DIAPH2: variants seen among roughly 807,000 people sequenced by gnomAD.
The protein encoded by DIAPH2 is diaphanous related formin 2, also known as protein diaphanous homolog 2.
Under a neutral mutation model 92.7 loss-of-function variants are expected in DIAPH2, and 35 were observed. The ratio of observed to expected loss-of-function variants is 0.38; its 90% CI spans 0.29 to 0.50. DIAPH2 has a LOEUF of 0.50. Among genes scored for constraint, DIAPH2 ranks in the 20% least tolerant of loss-of-function variants. The pLI is 0.94. For synonymous variants in DIAPH2, 301 were observed against 280.4 expected, an observed-to-expected ratio of 1.07 and a Z score of -0.73; for missense variants, 701 against 819.5, an observed-to-expected ratio of 0.86 and a Z score of 1.77.
chrX:97,266,070 A>G (rs914638502), intron 23 of DIAPH2, among the ~76,000 whole-genome samples: 3 of 112,034 alleles, frequency 2.7e-5, no homozygotes, highest in Non-Finnish European at 3.8e-5. Context: ...ATGTGTGTGT[A>G]TATATGTATA....
chrX:97,321,544 A>ATTTTT (rs72265655), intron 23 of DIAPH2, among the ~76,000 whole-genome samples: 21 of 48,356 alleles, frequency 4.3e-4, no homozygotes, highest in Admixed American at 1.3e-3. Context: ...TTGTGTTGTT[A>ATTTTT]TTTTTTTTTT....
chrX:97,532,729 T>C (rs182093306), intron 26 of DIAPH2, among the ~76,000 whole-genome samples: 10 of 112,471 alleles, frequency 8.9e-5, no homozygotes, highest in African/African-American at 2.9e-4. Context: ...ATGGAAACAA[T>C]CTTAAACTGG....
intron 22 of DIAPH2, among the ~76,000 whole-genome samples, chrX:97,230,381 G>T: frequency 8.9e-6 from 1 of 111,732 alleles, no homozygotes; most frequent in Non-Finnish European, 1.9e-5. Context: ...ATTTACTGGG[G>T]TTTTCTTTCT....
chrX:97,357,765 G>T lies in DIAPH2; in HGVS notation c.3009+9485G>T, dbSNP rs1393920177. Among the ~76,000 whole-genome samples, 6 of 111,928 alleles carry T rather than the reference G, an allele frequency of 5.4e-5. No homozygotes were observed. The East Asian group carries it at 1.7e-3, about 32-fold the overall frequency. ...TTTGCTCTCCAGAGCTCACATTCTA[G>T]TGGGAAAGGCAGTGAAAGAACAAAT... On this transcript the variant is annotated intron_variant, in intron 24 of 26. Coordinates refer to ENST00000324765, the MANE Select transcript of DIAPH2 (RefSeq NM_006729.5).
chrX:96,841,025 T>C (rs1425731159), intron 4 of DIAPH2, among the ~76,000 whole-genome samples: 1 of 112,067 alleles, frequency 8.9e-6, no homozygotes, highest in African/African-American at 3.2e-5. Context: ...TATTAAATGT[T>C]CATTGCCATT....
At chrX:96,942,590 C>A (rs1410679854) in intron 13 of DIAPH2, among the ~76,000 whole-genome samples, 1 of 111,113 alleles carries the variant, frequency 9.0e-6, no homozygotes, top group East Asian at 2.8e-4. Context: ...AGCTTGAGAC[C>A]TTCTAAGGGT....
chrX:96,798,644 A>T (rs1295276234), intron 4 of DIAPH2, among the ~76,000 whole-genome samples: 1 of 111,394 alleles, frequency 9.0e-6, no homozygotes, highest in Non-Finnish European at 1.9e-5. Flanking sequence ...TTTTGATAGG[A>T]TGCTAGTTAT....
At chrX:96,809,356 A>G (rs1156459173) in intron 4 of DIAPH2, among the ~76,000 whole-genome samples, 2 of 103,715 alleles carry the variant, frequency 1.9e-5, no homozygotes, top group African/African-American at 3.6e-5. Flanking sequence ...AAAAAAAAAC[A>G]TAACCTGAGA....
At chrX:97,343,461 G>T (rs1202611447) in intron 23 of DIAPH2, among the ~76,000 whole-genome samples, 2 of 111,531 alleles carry the variant, frequency 1.8e-5, no homozygotes, top group African/African-American at 6.5e-5. Flanking sequence ...CTGAGGTCAG[G>T]AGTTCAAGAC....
At chrX:97,005,229 T>C (rs1206339144) in intron 17 of DIAPH2, among the ~76,000 whole-genome samples, 1 of 111,550 alleles carries the variant, frequency 9.0e-6, no homozygotes, top group Non-Finnish European at 1.9e-5. Flanking sequence ...TGCATCAATA[T>C]TCATCAGACA....
chrX:97,250,707 G>A (rs1381949146), intron 23 of DIAPH2, among the ~76,000 whole-genome samples: 1 of 111,520 alleles, frequency 9.0e-6, no homozygotes, highest in Non-Finnish European at 1.9e-5. Flanking sequence ...TGAATCACAC[G>A]GTATTATAGC....
At chrX:97,314,031 T>C (rs920065918) in intron 23 of DIAPH2, among the ~76,000 whole-genome samples, 3 of 110,915 alleles carry the variant, frequency 2.7e-5, no homozygotes. Context: ...TCACTTACTT[T>C]GAATGGCCTA....
chrX:96,887,599 A>G (rs2065272154), intron 5 of DIAPH2, among the ~76,000 whole-genome samples: 1 of 112,055 alleles, frequency 8.9e-6, no homozygotes, highest in East Asian at 2.8e-4. Context: ...CAAGGCCAAT[A>G]TAATAATCTT....
chrX:97,022,691 A>T (rs186389567), intron 17 of DIAPH2, among the ~76,000 whole-genome samples: 42 of 112,321 alleles, frequency 3.7e-4, no homozygotes, highest in African/African-American at 1.3e-3. Context: ...ACATCCCAAG[A>T]TAATTATTTT....
chrX:97,497,461 T>A (rs1443415210), intron 26 of DIAPH2, among the ~76,000 whole-genome samples: 1 of 108,793 alleles, frequency 9.2e-6, no homozygotes, highest in African/African-American at 3.4e-5. Context: ...TTTTTTTTTT[T>A]ACCACATTCT....
chrX:97,253,805 A>T (rs1291915149), intron 23 of DIAPH2, among the ~76,000 whole-genome samples: 2 of 112,233 alleles, frequency 1.8e-5, no homozygotes, highest in African/African-American at 6.5e-5. Context: ...ATAAACTGTT[A>T]TGAAAGAAAA....
At chrX:96,952,997 T>C (rs1235339681) in intron 15 of DIAPH2, among the ~76,000 whole-genome samples, 1 of 108,536 alleles carries the variant, frequency 9.2e-6, no homozygotes, top group Non-Finnish European at 1.9e-5. Flanking sequence ...TGCATGCCTG[T>C]AGTCCCAGTT....
chrX:97,561,977 G>A lies in DIAPH2; in HGVS notation c.3242-37276G>A, dbSNP rs746125153. Among the ~76,000 whole-genome samples the A allele has an allele frequency of 7.1e-5, 8 of 112,128 alleles. No homozygotes were observed. The South Asian group carries it at 1.9e-3, about 26-fold the overall frequency. Reference sequence around the variant, plus strand: ...TCACAGTATGAAATACAGAGCCAACGGTAGAATATATTAAATTAGCCCATT... The same window carrying A: ...TCACAGTATGAAATACAGAGCCAACAGTAGAATATATTAAATTAGCCCATT... On this transcript the variant is annotated intron_variant, in intron 26 of 26. Transcript: ENST00000324765.
chrX:97,453,566 A>G (rs1602599673), intron 26 of DIAPH2, among the ~76,000 whole-genome samples: 2 of 111,810 alleles, frequency 1.8e-5, no homozygotes, highest in East Asian at 5.6e-4. Context: ...CTGATGGTAC[A>G]AAGATGGACC....
Sources: gnomAD v4.1 joint callset for allele counts (sites outside exome capture counted in the v4.1 genomes callset) on GRCh38, gnomAD v4.1.1 for gene constraint, MANE v1.5 for transcripts, NCBI Gene and HGNC (gene_info 2026-07-23, HGNC 2026-07-21) for gene names.